The following NAALADL2 variants were observed in gnomAD, a reference collection of about 807,000 sequenced individuals.
NAALADL2 encodes the protein inactive N-acetylated-alpha-linked acidic dipeptidase-like protein 2.
A neutral mutation model predicts 87.2 loss-of-function variants in NAALADL2; 76 were observed. That is an observed-to-expected ratio of 0.87 (90% CI 0.72 to 1.05). The LOEUF (loss-of-function observed/expected upper bound fraction) is 1.05, where lower values mean the gene tolerates loss of function less well. Among genes scored for constraint, NAALADL2 ranks in the 50% least tolerant of loss-of-function variants. The pLI, the probability that NAALADL2 is intolerant of heterozygous loss-of-function variation, is 0.00. For missense variants in NAALADL2, 1,089 were observed against 945.8 expected (o/e 1.15, Z -1.99); for synonymous variants, 354 against 331.0 (o/e 1.07, Z -0.75).
intron 11 of NAALADL2, among the ~76,000 whole-genome samples, chr3:175,702,828 AT>A: frequency 6.6e-6 from 1 of 152,268 alleles, no homozygotes; most frequent in East Asian, 1.9e-4. Context: ...CAGCAAAAAA[AT>A]ATTTGGAAGA....
intron 2 of NAALADL2, chr3:175,124,745 C>T (rs184546661): frequency 7.2e-5 from 11 of 152,086 alleles, no homozygotes; most frequent in Non-Finnish European, 1.5e-4. Flanking sequence ...AAGAATATAT[C>T]ATATGACACA....
chr3:174,581,561 G>T (rs1578221505), intron 2 of NAALADL2, among the ~76,000 whole-genome samples: 1 of 152,186 alleles, frequency 6.6e-6, no homozygotes, highest in Admixed American at 6.5e-5. Flanking sequence ...AGATCAGAGA[G>T]AAAGGAGAAT....
Position 175,698,483 on chromosome 3 carries a change from T to TTTTATATATATATATATATATATATA in NAALADL2, c.1897-38822_1897-38821insTTATATATATATATATATATATATAT, listed in dbSNP as rs1398396262. On this transcript the variant is annotated intron_variant, in intron 11 of 13. Transcript: ENST00000454872. ...TGTGTATATATGTGTGTATATATAT[T>TTTTATATATATATATATATATATATA]TATATATATATATATATATAAAATC... 6.8e-4 allele frequency among the ~76,000 whole-genome samples: 46 copies of TTTTATATATATATATATATATATATA among 67,724 alleles called. 6 individuals are homozygous for TTTTATATATATATATATATATATATA. The highest frequency in any genetic ancestry group is 4.1e-3 in the African/African-American group (45 of 11,044). 44.4% of individuals were successfully genotyped at this position (67,724 alleles called of 152,430 possible).
chr3:175,297,336 C>A (rs1214154246), intron 4 of NAALADL2, among the ~76,000 whole-genome samples: 2 of 152,168 alleles, frequency 1.3e-5, no homozygotes, highest in Admixed American at 6.6e-5. Context: ...GCTACCATCA[C>A]CAGAATAAAA....
chr3:175,421,529 A>G (rs1715694576), intron 5 of NAALADL2, among the ~76,000 whole-genome samples: 1 of 152,084 alleles, frequency 6.6e-6, no homozygotes, highest in African/African-American at 2.4e-5. Flanking sequence ...TGTCCCCTGA[A>G]TTAATCCTTG....
intron 2 of NAALADL2, chr3:174,551,320 C>T (rs1712104189): frequency 6.6e-6 from 1 of 152,136 alleles, no homozygotes; most frequent in South Asian, 2.1e-4. Context: ...GTAAAAACAT[C>T]CCCCAAGCTA....
At chr3:175,435,800 T>C (rs552314723) in intron 5 of NAALADL2, among the ~76,000 whole-genome samples, 2 of 152,104 alleles carry the variant, frequency 1.3e-5, no homozygotes, top group African/African-American at 4.8e-5. Flanking sequence ...GATAAGCTAA[T>C]TGGAAAGGAA....
At chr3:174,988,078 T>A (rs1746218102) in intron 1 of NAALADL2, among the ~76,000 whole-genome samples, 1 of 152,104 alleles carries the variant, frequency 6.6e-6, no homozygotes, top group Non-Finnish European at 1.5e-5. Flanking sequence ...TCAAGTTATG[T>A]GATCTCCGAG....
intron 2 of NAALADL2, among the ~76,000 whole-genome samples, chr3:175,113,644 T>C (rs9877212): frequency 0.61 from 91,691 of 151,090 alleles, 28,367 homozygotes; most frequent in African/African-American, 0.74. Context: ...GAATCATGTT[T>C]GCAATACTGT....
intron 1 of NAALADL2, among the ~76,000 whole-genome samples, chr3:174,932,568 A>G (rs1175127950): frequency 6.6e-6 from 1 of 152,102 alleles, no homozygotes; most frequent in Non-Finnish European, 1.5e-5. Flanking sequence ...TTCAATATTG[A>G]TGGGTGAATT....
In NAALADL2 at chr3:175,615,359, GA is replaced by G. The variant is rs572405674; in HGVS notation, c.1801-11925del. On this transcript the variant is annotated intron_variant, in intron 10 of 13. Transcript: ENST00000454872. ...TGGGAAAAATAATAAATACCTTTCT[GA>G]AAAAAATTGTTTGATGAATAAATAG... Among the ~76,000 whole-genome samples the G allele has an allele frequency of 2.0e-3, 303 of 151,904 alleles. 2 individuals are homozygous for G. Among genetic ancestry groups the G allele is most frequent in the African/African-American group, 7.0e-3 (289 of 41,452 alleles).
At chr3:175,143,551 CAAAA>C (rs200363916) in intron 2 of NAALADL2, among the ~76,000 whole-genome samples, 4 of 113,342 alleles carry the variant, frequency 3.5e-5, no homozygotes, top group Non-Finnish European at 3.6e-5. Flanking sequence ...CAATGTTAGC[CAAAA>C]AAAAAAAAAA....
At chr3:175,158,719 T>C (rs1034768818) in intron 2 of NAALADL2, among the ~76,000 whole-genome samples, 4 of 152,022 alleles carry the variant, frequency 2.6e-5, no homozygotes, top group African/African-American at 7.2e-5. Context: ...GCAGTGAAGA[T>C]TTTTCTGCCA....
intron 10 of NAALADL2, among the ~76,000 whole-genome samples, chr3:175,605,986 A>C (rs2149656767): frequency 6.6e-6 from 1 of 152,272 alleles, no homozygotes; most frequent in South Asian, 2.1e-4. Context: ...GAGGAAGAGA[A>C]TCTATGACGA....
At chr3:174,606,923 C>T (rs1216779924) in intron 2 of NAALADL2, among the ~76,000 whole-genome samples, 5 of 151,874 alleles carry the variant, frequency 3.3e-5, no homozygotes, top group East Asian at 1.9e-4. Flanking sequence ...CCAGAAAGGT[C>T]GGGTTACCCA....
intron 2 of NAALADL2, among the ~76,000 whole-genome samples, chr3:175,131,804 C>CAG (rs1727952157): frequency 8.5e-6 from 1 of 117,986 alleles, no homozygotes; most frequent in Non-Finnish European, 1.8e-5. Context: ...GGACGGGGGG[C>CAG]CTGGCCGGGC....
At chr3:175,736,773 C>A (rs1744557277) in intron 11 of NAALADL2, among the ~76,000 whole-genome samples, 1 of 152,174 alleles carries the variant, frequency 6.6e-6, no homozygotes, top group African/African-American at 2.4e-5. Context: ...AGAAAAAATT[C>A]TTTACTCAGT....
chr3:175,035,575 G>A (rs962665904), intron 1 of NAALADL2, among the ~76,000 whole-genome samples: 3 of 152,114 alleles, frequency 2.0e-5, no homozygotes, highest in Non-Finnish European at 2.9e-5. Context: ...AGAGTAAGAC[G>A]AAGGACATGT....
chr3:174,508,779 G>A (rs1205341424), intron 1 of NAALADL2, among the ~76,000 whole-genome samples: 1 of 152,180 alleles, frequency 6.6e-6, no homozygotes, highest in Non-Finnish European at 1.5e-5. Flanking sequence ...TGGGCGCAGT[G>A]GCTCACGCCT....
Sources: gnomAD v4.1 joint callset for allele counts (sites outside exome capture counted in the v4.1 genomes callset) on GRCh38, gnomAD v4.1.1 for gene constraint, MANE v1.5 for transcripts, NCBI Gene and HGNC (gene_info 2026-07-23, HGNC 2026-07-21) for gene names.